MIR2052HG: variants seen among roughly 807,000 people sequenced by gnomAD.
The protein encoded by MIR2052HG is MIR2052 host gene.
At chr8:74,710,479 C>T (rs1014407965) in intron 4 of MIR2052HG, among the ~76,000 whole-genome samples, 15 of 151,918 alleles carry the variant, frequency 9.9e-5, no homozygotes, top group Admixed American at 5.9e-4. Context: ...TTAAGTAGAC[C>T]GTAAGAGAAG....
chr8:74,616,849 T>G (rs1440640246), intron 2 of MIR2052HG, among the ~76,000 whole-genome samples: 1 of 152,100 alleles, frequency 6.6e-6, no homozygotes, highest in African/African-American at 2.4e-5. Flanking sequence ...AATCTAATGG[T>G]TAAGAATGAG....
intron 2 of MIR2052HG, among the ~76,000 whole-genome samples, chr8:74,686,048 A>G (rs1192133585): frequency 6.6e-6 from 1 of 151,976 alleles, no homozygotes; most frequent in Non-Finnish European, 1.5e-5. Flanking sequence ...TACTTTGAGG[A>G]GAAAAATGAT....
At chr8:74,670,968 A>G (rs954887095) in intron 2 of MIR2052HG, among the ~76,000 whole-genome samples, 3 of 147,798 alleles carry the variant, frequency 2.0e-5, no homozygotes, top group African/African-American at 5.0e-5. Flanking sequence ...TATTTCATTC[A>G]TTTACTCAAT....
chr8:74,615,623 T>A (rs113104497), intron 2 of MIR2052HG, among the ~76,000 whole-genome samples: 6 of 152,082 alleles, frequency 3.9e-5, no homozygotes, highest in East Asian at 1.9e-4. Context: ...TTTTTTTTTT[T>A]ATTATACTTT....
chr8:74,708,761 T>C (rs1294429383), intron 4 of MIR2052HG, among the ~76,000 whole-genome samples: 3 of 150,764 alleles, frequency 2.0e-5, no homozygotes, highest in Non-Finnish European at 4.4e-5. Flanking sequence ...AAATTAAACT[T>C]TAAAATAAAA....
chr8:74,645,348 C>T (rs1414635650), intron 2 of MIR2052HG, among the ~76,000 whole-genome samples: 5 of 151,554 alleles, frequency 3.3e-5, no homozygotes, highest in East Asian at 1.9e-4. Flanking sequence ...TGCAATGGCA[C>T]GATCTTGGCT....
chr8:74,734,918 G>A (rs1376648067), intron 4 of MIR2052HG, among the ~76,000 whole-genome samples: 3 of 152,190 alleles, frequency 2.0e-5, no homozygotes, highest in Non-Finnish European at 4.4e-5. Flanking sequence ...GTGTTTATGT[G>A]TTTATCCCTC....
intron 4 of MIR2052HG, among the ~76,000 whole-genome samples, chr8:74,720,667 A>C (rs760769141): frequency 1.3e-5 from 2 of 152,154 alleles, no homozygotes; most frequent in Admixed American, 1.3e-4. Flanking sequence ...CCTTGCCTTG[A>C]ATAGTGGTAT....
At chr8:74,719,864 T>G (rs1809557914) in intron 4 of MIR2052HG, among the ~76,000 whole-genome samples, 1 of 146,656 alleles carries the variant, frequency 6.8e-6, no homozygotes, top group Admixed American at 6.8e-5. Flanking sequence ...TTTTTTTTTT[T>G]TTGAGAGGGA....
chr8:74,674,234 T>C (rs1313872682), intron 2 of MIR2052HG, among the ~76,000 whole-genome samples: 1 of 151,320 alleles, frequency 6.6e-6, no homozygotes, highest in African/African-American at 2.4e-5. Flanking sequence ...TGAGAAAGAT[T>C]GCTCAGAATG....
intron 1 of MIR2052HG, among the ~76,000 whole-genome samples, chr8:74,604,438 G>A (rs1285772135): frequency 2.3e-5 from 3 of 130,044 alleles, no homozygotes; most frequent in Admixed American, 1.5e-4. Flanking sequence ...GCGGGCGGGC[G>A]GAGGAGGAAG....
rs560525787 is a variant in MIR2052HG, at chr8:74,648,208, G to A, written n.216+35268G>A. On this transcript the variant is annotated intron_variant and non_coding_transcript_variant, in intron 2 of 6. Coordinates refer to ENST00000523442, the Ensembl canonical transcript of MIR2052HG. The stretch of plus-strand genomic sequence containing the variant: ...AGGAATATTAATAATTGATACCCTG[G>A]GTAAGGAATGCATTCCTGGGGGGAG... Among the ~76,000 whole-genome samples, 7 of 152,188 alleles carry A rather than the reference G, an allele frequency of 4.6e-5. No individual in the cohort carries two copies. In the South Asian group the frequency reaches 1.2e-3, roughly 27 times the overall value.
intron 4 of MIR2052HG, among the ~76,000 whole-genome samples, chr8:74,728,784 A>T (rs1308286547): frequency 6.6e-6 from 1 of 152,172 alleles, no homozygotes; most frequent in Non-Finnish European, 1.5e-5. Context: ...AAAAAGTCAG[A>T]GTTAGTAGTT....
At chr8:74,604,583 CTTTTTTT>C (rs35641908) in intron 1 of MIR2052HG, among the ~76,000 whole-genome samples, 29 of 50,036 alleles carry the variant, frequency 5.8e-4, no homozygotes, top group Non-Finnish European at 7.5e-4. Flanking sequence ...TGTTTCTTTA[CTTTTTTT>C]TTTTTTTTTT....
At chr8:74,738,577 C>T (rs1809794837) in intron 4 of MIR2052HG, among the ~76,000 whole-genome samples, 1 of 152,154 alleles carries the variant, frequency 6.6e-6, no homozygotes, top group Non-Finnish European at 1.5e-5. Flanking sequence ...ACTGTCTTCC[C>T]TACTTTGGGC....
chr8:74,661,134 T>C (rs1808859876), intron 2 of MIR2052HG, among the ~76,000 whole-genome samples: 2 of 151,762 alleles, frequency 1.3e-5, no homozygotes, highest in African/African-American at 2.4e-5. Context: ...CTTTGCCAGT[T>C]ACCAGCTGGG....
intron 2 of MIR2052HG, among the ~76,000 whole-genome samples, chr8:74,662,200 A>G (rs1398998001): frequency 2.0e-5 from 3 of 152,196 alleles, no homozygotes; most frequent in Admixed American, 6.5e-5. Context: ...GGCTTTTTCA[A>G]TGGTCAGAAG....
chr8:74,652,792 G>A (rs1808766654), intron 2 of MIR2052HG, among the ~76,000 whole-genome samples: 1 of 152,124 alleles, frequency 6.6e-6, no homozygotes, highest in Non-Finnish European at 1.5e-5. Flanking sequence ...AGAATTTTAT[G>A]TGAACTGGCC....
At chr8:74,755,201 A>T (rs1305185810) in intron 5 of MIR2052HG, among the ~76,000 whole-genome samples, 1 of 152,202 alleles carries the variant, frequency 6.6e-6, no homozygotes, top group Non-Finnish European at 1.5e-5. Flanking sequence ...TGGGTTTTTT[A>T]AAAAAATTCA....
Sources: gnomAD v4.1 joint callset for allele counts (sites outside exome capture counted in the v4.1 genomes callset) on GRCh38, gnomAD v4.1.1 for gene constraint, MANE v1.5 for transcripts, NCBI Gene and HGNC (gene_info 2026-07-23, HGNC 2026-07-21) for gene names.